The following TMEM278 variants were observed in gnomAD, a reference collection of about 807,000 sequenced individuals.
The protein encoded by TMEM278 is transmembrane protein 88B.
chr1:1,428,785 G>C, the TMEM278 span, among the ~76,000 whole-genome samples: 2 of 152,178 alleles, frequency 1.3e-5, no homozygotes, highest in Non-Finnish European at 2.9e-5. Flanking sequence ...CGGATCACCA[G>C]CTCAGGAGAT....
chr1:1,429,105 A>G, the TMEM278 span, among the ~76,000 whole-genome samples: 1 of 151,586 alleles, frequency 6.6e-6, no homozygotes, highest in Non-Finnish European at 1.5e-5. Flanking sequence ...GGAGGCAGAG[A>G]TTGCAGTGAG....
the TMEM278 span, chr1:1,426,478 GC>G: frequency 2.7e-6 from 3 of 1,110,706 alleles, no homozygotes; most frequent in Non-Finnish European, 3.5e-6. Context: ...TTCCAGAATT[GC>G]CCCTTGTCCT....
At chr1:1,428,430 C>T in the TMEM278 span, among the ~76,000 whole-genome samples, 2 of 152,188 alleles carry the variant, frequency 1.3e-5, no homozygotes, top group South Asian at 2.1e-4. Context: ...CAGCCTCGGT[C>T]GGCTCTCTCC....
the TMEM278 span, among the ~76,000 whole-genome samples, chr1:1,427,231 T>G: frequency 6.6e-5 from 8 of 121,150 alleles, no homozygotes; most frequent in Non-Finnish European, 1.2e-4. Flanking sequence ...CCGCTCTCTC[T>G]CCCCTCCCCG....
chr1:1,429,210 T>C, the TMEM278 span, among the ~76,000 whole-genome samples: 1 of 151,778 alleles, frequency 6.6e-6, no homozygotes, highest in East Asian at 1.9e-4. Flanking sequence ...TAGCTGGCCA[T>C]GGTGGTGCAC....
the TMEM278 span, chr1:1,426,105 C>G: frequency 7.3e-7 from 1 of 1,373,122 alleles, no homozygotes; most frequent in Middle Eastern, 2.3e-4. Flanking sequence ...CCGCCCGGGC[C>G]ACAGGCCTGC....
the TMEM278 span, among the ~76,000 whole-genome samples, chr1:1,426,800 C>T: frequency 6.6e-6 from 1 of 152,100 alleles, no homozygotes. Flanking sequence ...GCAGAGTGGG[C>T]TGTGGCCTGC....
the TMEM278 span, chr1:1,426,016 G>T: frequency 7.9e-7 from 1 of 1,261,422 alleles, no homozygotes; most frequent in Non-Finnish European, 1.0e-6. Flanking sequence ...CTGGCTGGGG[G>T]ATGTGGACTG....
chr1:1,426,258 C>T, the TMEM278 span: 1 of 1,491,902 alleles, frequency 6.7e-7, no homozygotes, highest in Non-Finnish European at 9.0e-7. Context: ...TGGTCGGGGC[C>T]CCCGCTGCTG....
the TMEM278 span, among the ~76,000 whole-genome samples, chr1:1,429,089 A>G: frequency 6.6e-6 from 1 of 152,068 alleles, no homozygotes; most frequent in Non-Finnish European, 1.5e-5. Flanking sequence ...GGATCGCTTG[A>G]ACCCAGGAGG....
chr1:1,427,649 G>A, the TMEM278 span: 7 of 1,345,226 alleles, frequency 5.2e-6, no homozygotes, highest in Non-Finnish European at 5.7e-6. Flanking sequence ...TGCCGCCGCT[G>A]CTGGTGCTCG....
chr1:1,427,715 C>T, the TMEM278 span: 1 of 1,320,914 alleles, frequency 7.6e-7, no homozygotes, highest in Non-Finnish European at 9.6e-7. Flanking sequence ...TGCCTCCGCC[C>T]GCTGGGACCC....
the TMEM278 span, among the ~76,000 whole-genome samples, chr1:1,429,997 A>G: frequency 3.3e-5 from 5 of 152,286 alleles, no homozygotes; most frequent in African/African-American, 9.6e-5. Flanking sequence ...AGTAGCTGTG[A>G]CTAGAGTGCA....
the TMEM278 span, among the ~76,000 whole-genome samples, chr1:1,426,684 A>G: frequency 1.3e-5 from 2 of 152,056 alleles, no homozygotes; most frequent in African/African-American, 4.8e-5. Flanking sequence ...CCAGGAAAAG[A>G]AGATGAAAAT....
chr1:1,426,716 C>T, the TMEM278 span, among the ~76,000 whole-genome samples: 6 of 152,066 alleles, frequency 3.9e-5, no homozygotes, highest in African/African-American at 1.4e-4. Context: ...TTCACTAACC[C>T]ACAGCCCCCA....
At chr1:1,426,927 C>T in the TMEM278 span, among the ~76,000 whole-genome samples, 5 of 151,866 alleles carry the variant, frequency 3.3e-5, no homozygotes, top group African/African-American at 7.3e-5. Context: ...TGAGCCTCCC[C>T]TCAAGGGACC....
the TMEM278 span, chr1:1,427,658 C>T: frequency 3.7e-6 from 5 of 1,340,318 alleles, no homozygotes; most frequent in South Asian, 7.3e-5. Flanking sequence ...TGCTGGTGCT[C>T]GCCTCGGCCG....
chr1:1,427,767 C>T, the TMEM278 span: 1 of 1,341,314 alleles, frequency 7.5e-7, no homozygotes, highest in Non-Finnish European at 9.5e-7. Flanking sequence ...CGAGGACGAG[C>T]AACTCTGCGC....
At chr1:1,426,176 G>A in the TMEM278 span, 3 of 1,417,666 alleles carry the variant, frequency 2.1e-6, no homozygotes, top group African/African-American at 3.0e-5. Context: ...GGGAGGTGGT[G>A]CTTCCGACAC....
Sources: gnomAD v4.1 joint callset for allele counts (sites outside exome capture counted in the v4.1 genomes callset) on GRCh38, gnomAD v4.1.1 for gene constraint, MANE v1.5 for transcripts, NCBI Gene and HGNC (gene_info 2026-07-23, HGNC 2026-07-21) for gene names.